Variants in DLGAP2 observed in about 807,000 individuals in gnomAD.
DLGAP2 encodes disks large-associated protein 2.
In DLGAP2, 26 loss-of-function variants were observed where a neutral mutation model predicts 100.3. The ratio of observed to expected loss-of-function variants is 0.26; its 90% CI spans 0.19 to 0.36. The LOEUF is 0.36. DLGAP2 is among the 10% of genes least tolerant of loss of function. The pLI, the probability that DLGAP2 is intolerant of heterozygous loss-of-function variation, is 1.00. For missense variants in DLGAP2, 1,858 were observed against 1,453.2 expected (o/e 1.28, Z -4.53); for synonymous variants, 886 against 630.1 (o/e 1.41, Z -6.08).
chr8:1,288,483 AGT>A (rs1165190944), intron 3 of DLGAP2, among the ~76,000 whole-genome samples: 41,915 of 102,286 alleles, frequency 0.41, 8,067 homozygotes, highest in East Asian at 0.54. Context: ...GTTTCAGTTC[AGT>A]GTGTGTGTGT....
At chr8:1,545,463 T>A (rs1383881341) in intron 4 of DLGAP2, among the ~76,000 whole-genome samples, 1 of 152,244 alleles carries the variant, frequency 6.6e-6, no homozygotes, top group African/African-American at 2.4e-5. Flanking sequence ...TAATTGCTGT[T>A]TTCTCTCAAT....
chr8:1,069,072 C>T (rs768387771), intron 2 of DLGAP2, among the ~76,000 whole-genome samples: 26 of 152,202 alleles, frequency 1.7e-4, no homozygotes, highest in Non-Finnish European at 2.8e-4. Context: ...GCGGGTAGCA[C>T]TGCCCTGCAC....
At chr8:1,354,448 G>T (rs1336074184) in intron 3 of DLGAP2, among the ~76,000 whole-genome samples, 1 of 152,220 alleles carries the variant, frequency 6.6e-6, no homozygotes, top group Non-Finnish European at 1.5e-5. Flanking sequence ...GGGAGGCACA[G>T]GTTACAGTGA....
chr8:1,052,650 T>C (rs1802754584), intron 2 of DLGAP2, among the ~76,000 whole-genome samples: 1 of 152,188 alleles, frequency 6.6e-6, no homozygotes, highest in South Asian at 2.1e-4. Flanking sequence ...ACCCCATAGA[T>C]GTTGCATTGG....
At chr8:1,077,103 G>T (rs1803645928) in intron 2 of DLGAP2, among the ~76,000 whole-genome samples, 1 of 152,166 alleles carries the variant, frequency 6.6e-6, no homozygotes, top group Admixed American at 6.5e-5. Context: ...AATGTTTGGG[G>T]TTCCGTGGCC....
At chr8:1,687,399 G>A (rs140054652) in intron 12 of DLGAP2, among the ~76,000 whole-genome samples, 1 of 152,322 alleles carries the variant, frequency 6.6e-6, no homozygotes, top group African/African-American at 2.4e-5. Flanking sequence ...GCTCCTGCAA[G>A]TGTCTAAACT....
At chr8:934,345 C>T (rs914555363) in intron 2 of DLGAP2, among the ~76,000 whole-genome samples, 7 of 147,120 alleles carry the variant, frequency 4.8e-5, no homozygotes, top group African/African-American at 1.5e-4. Context: ...GACACCTGGC[C>T]GTGGGCACGA....
intron 3 of DLGAP2, among the ~76,000 whole-genome samples, chr8:1,322,710 C>G (rs888058046): frequency 2.0e-5 from 3 of 152,262 alleles, no homozygotes; most frequent in Non-Finnish European, 4.4e-5. Flanking sequence ...ACATGTTGTT[C>G]CTTCAGCCTA....
At chr8:1,553,465 C>CGGCGTGTTCACAGGT in intron 5 of DLGAP2, among the ~76,000 whole-genome samples, 1 of 150,096 alleles carries the variant, frequency 6.7e-6, no homozygotes, top group East Asian at 2.0e-4. Context: ...TGTTCACGGT[C>CGGCGTGTTCACAGGT]AGCAGCCCCG....
chr8:1,484,749 G>T (rs1400397578), intron 3 of DLGAP2, among the ~76,000 whole-genome samples: 1 of 152,226 alleles, frequency 6.6e-6, no homozygotes, highest in Non-Finnish European at 1.5e-5. Flanking sequence ...CCATAGTTGG[G>T]CATCATATCT....
At chr8:1,564,164 C>G (rs1202596766) in intron 5 of DLGAP2, among the ~76,000 whole-genome samples, 1 of 152,040 alleles carries the variant, frequency 6.6e-6, no homozygotes, top group Non-Finnish European at 1.5e-5. Flanking sequence ...GTGAGTTTGA[C>G]CTATGGAGTG....
intron 4 of DLGAP2, among the ~76,000 whole-genome samples, chr8:1,512,427 G>A (rs551939109): frequency 2.6e-5 from 4 of 152,276 alleles, no homozygotes; most frequent in African/African-American, 7.2e-5. Context: ...CGGGGCCAGC[G>A]TGGGTGTCAG....
chr8:1,229,530 C>G (rs1798490204), intron 2 of DLGAP2, among the ~76,000 whole-genome samples: 3 of 146,072 alleles, frequency 2.1e-5, no homozygotes, highest in South Asian at 2.3e-4. Context: ...ATAATAGTCT[C>G]TGAGGATCTT....
intron 3 of DLGAP2, among the ~76,000 whole-genome samples, chr8:1,276,239 T>C (rs1799691533): frequency 6.6e-6 from 1 of 151,410 alleles, no homozygotes; most frequent in South Asian, 2.1e-4. Flanking sequence ...CTCAATGTTA[T>C]ATTTCTTTCA....
At chr8:964,056 C>T (rs948086727) in intron 2 of DLGAP2, among the ~76,000 whole-genome samples, 1 of 152,108 alleles carries the variant, frequency 6.6e-6, no homozygotes, top group South Asian at 2.1e-4. Flanking sequence ...ATATGGAAAA[C>T]TTTAGGAAGT....
chr8:780,225 T>A (rs1007301055), intron 1 of DLGAP2, among the ~76,000 whole-genome samples: 1 of 152,182 alleles, frequency 6.6e-6, no homozygotes, highest in African/African-American at 2.4e-5. Flanking sequence ...ATTCCACATA[T>A]CCGTGAGATC....
At chr8:1,048,004 G>T (rs1011649765) in intron 2 of DLGAP2, among the ~76,000 whole-genome samples, 6 of 152,308 alleles carry the variant, frequency 3.9e-5, no homozygotes, top group African/African-American at 1.4e-4. Flanking sequence ...GTTAAGGCCT[G>T]CAAGGGTGCG....
At chr8:1,511,555 C>T (rs978930456) in intron 4 of DLGAP2, among the ~76,000 whole-genome samples, 3 of 151,158 alleles carry the variant, frequency 2.0e-5, no homozygotes, top group Non-Finnish European at 4.4e-5. Flanking sequence ...CTTCCATGGA[C>T]GTAAGTGCTG....
chr8:900,669 G>A (rs548253936), intron 1 of DLGAP2, among the ~76,000 whole-genome samples: 33 of 152,282 alleles, frequency 2.2e-4, no homozygotes, highest in Non-Finnish European at 2.5e-4. Context: ...AGGAGCTGGC[G>A]TTAAATCCAT....
Sources: gnomAD v4.1 joint callset for allele counts (sites outside exome capture counted in the v4.1 genomes callset) on GRCh38, gnomAD v4.1.1 for gene constraint, MANE v1.5 for transcripts, NCBI Gene and HGNC (gene_info 2026-07-23, HGNC 2026-07-21) for gene names.